The following GPR158 variants were observed in gnomAD, a reference collection of about 807,000 sequenced individuals.
GPR158 encodes metabotropic glycine receptor.
Under a neutral mutation model 78.2 loss-of-function variants are expected in GPR158, and 30 were observed. The ratio of observed to expected loss-of-function variants is 0.38; its 90% confidence interval spans 0.29 to 0.52. The LOEUF (loss-of-function observed/expected upper bound fraction) is 0.52. Among genes scored for constraint, GPR158 ranks in the 20% least tolerant of loss-of-function variants. GPR158 has a pLI of 0.83. For synonymous variants in GPR158, 581 were observed against 591.1 expected, an observed-to-expected ratio of 0.98 and a Z score of 0.25; for missense variants, 1,463 against 1,523.5, an observed-to-expected ratio of 0.96 and a Z score of 0.66.
chr10:25,197,855 A>G (rs1261958670), intron 1 of GPR158, among the ~76,000 whole-genome samples: 3 of 152,118 alleles, frequency 2.0e-5, no homozygotes, highest in Non-Finnish European at 4.4e-5. Flanking sequence ...AATAGAAGTG[A>G]CCTCCTTGCA....
intron 2 of GPR158, among the ~76,000 whole-genome samples, chr10:25,360,232 T>G (rs1855614648): frequency 6.6e-6 from 1 of 152,212 alleles, no homozygotes; most frequent in South Asian, 2.1e-4. Flanking sequence ...TAGTTTCTTT[T>G]GCTGTGCAGT....
At chr10:25,347,989 C>T (rs149354695) in intron 2 of GPR158, among the ~76,000 whole-genome samples, 8 of 151,854 alleles carry the variant, frequency 5.3e-5, no homozygotes, top group African/African-American at 9.7e-5. Flanking sequence ...AAAGTCTTTG[C>T]GGCAAATGTC....
chr10:25,377,799 T>A (rs954017221), intron 2 of GPR158, among the ~76,000 whole-genome samples: 5 of 152,124 alleles, frequency 3.3e-5, no homozygotes, highest in African/African-American at 1.2e-4. Context: ...TATGGCTTAC[T>A]TTCATTTGGG....
chr10:25,242,448 A>G (rs1027314082), intron 2 of GPR158, among the ~76,000 whole-genome samples: 1 of 152,252 alleles, frequency 6.6e-6, no homozygotes, highest in Non-Finnish European at 1.5e-5. Flanking sequence ...AGAAAACTAG[A>G]TTGAAAGTCA....
chr10:25,245,613 C>G (rs1417640994), intron 2 of GPR158, among the ~76,000 whole-genome samples: 1 of 152,118 alleles, frequency 6.6e-6, no homozygotes, highest in Non-Finnish European at 1.5e-5. Flanking sequence ...GGTAAAGTTC[C>G]TTTTTAAAAA....
chr10:25,260,297 C>T (rs1337410026), intron 2 of GPR158, among the ~76,000 whole-genome samples: 1 of 152,068 alleles, frequency 6.6e-6, no homozygotes, highest in African/African-American at 2.4e-5. Context: ...TTCAAGGAGG[C>T]TAATTTTGCA....
chr10:25,335,897 A>G (rs560927232), intron 2 of GPR158, among the ~76,000 whole-genome samples: 9 of 152,144 alleles, frequency 5.9e-5, no homozygotes, highest in Admixed American at 1.3e-4. Flanking sequence ...AAATAAAACA[A>G]TCCTTTCTGT....
intron 2 of GPR158, among the ~76,000 whole-genome samples, chr10:25,249,053 T>A (rs28805353): frequency 3.7e-4 from 56 of 151,786 alleles, no homozygotes; most frequent in South Asian, 8.4e-4. Flanking sequence ...TTGGATTCCT[T>A]GGTATTTTAT....
intron 1 of GPR158, among the ~76,000 whole-genome samples, chr10:25,178,221 T>C (rs1852566935): frequency 6.6e-6 from 1 of 152,216 alleles, no homozygotes; most frequent in Admixed American, 6.5e-5. Context: ...GCTTCTTGCC[T>C]AAGATTGCAC....
intron 5 of GPR158, among the ~76,000 whole-genome samples, chr10:25,503,729 T>G (rs956672689): frequency 6.6e-6 from 1 of 152,212 alleles, no homozygotes; most frequent in African/African-American, 2.4e-5. Context: ...GGCTATGATG[T>G]TGCTTCCTCA....
intron 2 of GPR158, among the ~76,000 whole-genome samples, chr10:25,360,078 A>G (rs1437603069): frequency 1.3e-5 from 2 of 152,158 alleles, no homozygotes; most frequent in Non-Finnish European, 2.9e-5. Flanking sequence ...GTGTCTGTTC[A>G]TATCCTTCAC....
At position 25,466,665 on chromosome 10, in the gene GPR158, G is replaced by C; in HGVS notation, c.1350G>C (p.Ser450=). 6.2e-7 allele frequency: 1 copy of C among 1,603,930 alleles called. No homozygotes were observed. The highest frequency in any genetic ancestry group is 8.5e-7 in the Non-Finnish European group (1 of 1,173,438). ...TGTTTTTTCAGAGCATCCGGGCATC[G>C]GGCCTTATCCTGTTGGAAACGATCC... ...HFRKAKSIRA[S]GLILLETILF... Residue 450 remains serine (S), a synonymous_variant, in exon 5 of 11, where the codon TCG becomes TCC. Coordinates refer to ENST00000376351, the MANE Select transcript of GPR158 (RefSeq NM_020752.3).
intron 2 of GPR158, among the ~76,000 whole-genome samples, chr10:25,385,413 G>A (rs1156878169): frequency 6.6e-6 from 1 of 152,056 alleles, no homozygotes; most frequent in South Asian, 2.1e-4. Context: ...ATTTTAAATA[G>A]TGCCACTATG....
intron 3 of GPR158, among the ~76,000 whole-genome samples, chr10:25,411,109 TC>T (rs1451085471): frequency 6.6e-6 from 1 of 152,020 alleles, no homozygotes; most frequent in African/African-American, 2.4e-5. Context: ...GTTTTTTTTT[TC>T]CTTAGTATTT....
At chr10:25,318,753 T>C (rs531627294) in intron 2 of GPR158, among the ~76,000 whole-genome samples, 1 of 152,352 alleles carries the variant, frequency 6.6e-6, no homozygotes, top group Non-Finnish European at 1.5e-5. Context: ...CACTGTATTT[T>C]ATTAAAATGA....
chr10:25,193,898 A>G (rs1852809228), intron 1 of GPR158, among the ~76,000 whole-genome samples: 2 of 151,974 alleles, frequency 1.3e-5, no homozygotes, highest in South Asian at 4.1e-4. Context: ...AAAAAAAAAA[A>G]AAAAGAAAAT....
chr10:25,203,059 A>C (rs913879531), intron 1 of GPR158, among the ~76,000 whole-genome samples: 4 of 152,164 alleles, frequency 2.6e-5, no homozygotes, highest in Non-Finnish European at 4.4e-5. Context: ...TCTTCTTTTG[A>C]GAAGTGTCTG....
chr10:25,456,534 C>G (rs1374932487), intron 4 of GPR158, among the ~76,000 whole-genome samples: 1 of 152,046 alleles, frequency 6.6e-6, no homozygotes, highest in African/African-American at 2.4e-5. Context: ...TTCTAGCAAC[C>G]AGTTGATGGG....
intron 5 of GPR158, among the ~76,000 whole-genome samples, chr10:25,477,751 A>G (rs1177400923): frequency 1.3e-5 from 2 of 152,204 alleles, no homozygotes; most frequent in African/African-American, 4.8e-5. Flanking sequence ...GTATGGGGAT[A>G]GCCGTTTTAT....
Sources: gnomAD v4.1 joint callset for allele counts (sites outside exome capture counted in the v4.1 genomes callset) on GRCh38, gnomAD v4.1.1 for gene constraint, MANE v1.5 for transcripts, NCBI Gene and HGNC (gene_info 2026-07-23, HGNC 2026-07-21) for gene names.